The following AGAP1 variants were observed in gnomAD, a reference collection of about 807,000 sequenced individuals.
AGAP1 encodes the protein arf-GAP with GTPase, ANK repeat and PH domain-containing protein 1.
In AGAP1, 29 loss-of-function variants were observed where a neutral mutation model predicts 105.3. The observed-to-expected ratio is 0.28, with a 90% CI of 0.21 to 0.38. The LOEUF is 0.38. Among genes scored for constraint, AGAP1 ranks in the 10% least tolerant of loss-of-function variants. The pLI, the probability that AGAP1 is intolerant of heterozygous loss-of-function variation, is 1.00. For missense variants in AGAP1, 998 were observed against 1,165.1 expected (o/e 0.86, Z 2.09); for synonymous variants, 509 against 485.9 (o/e 1.05, Z -0.63).
At position 235,691,446 on chromosome 2, in the gene AGAP1, C is replaced by T. The variant is rs142810949; in HGVS notation, c.164-17733C>T. ...GTAGATTTAACACATCTTTAAAATC[C>T]GCTGAAGACTGTAAAGATACTCATT... On this transcript the variant is annotated intron_variant, in intron 1 of 17. Transcript: ENST00000304032. This position sits in a 1 kb window ranked among gnomAD's most constrained non-coding sequence, Gnocchi z 4.4. 9.8e-5 allele frequency among the ~76,000 whole-genome samples: 15 copies of T among 152,336 alleles called. No homozygotes were observed. The East Asian group carries it at 1.4e-3, about 14-fold the overall frequency.
In AGAP1 at chr2:235,743,951, T is replaced by C. The variant is rs77841326; in HGVS notation, c.397-747T>C. 2.3e-3 allele frequency among the ~76,000 whole-genome samples: 350 copies of C among 152,316 alleles called. 3 individuals carry two copies. The highest frequency in any genetic ancestry group is 8.0e-3 in the African/African-American group (334 of 41,562). ...TTCCAAGATGGCTGTTGGTACTAAA[T>C]GAGGTACTAGTATATGCCTGACAGT... On this transcript the variant is annotated intron_variant, in intron 4 of 17. Transcript: ENST00000304032.
In AGAP1 at chr2:236,105,391, C is replaced by A. The variant is rs2059458358; in HGVS notation, c.2115-14801C>A. On this transcript the variant is annotated intron_variant, in intron 16 of 17. Coordinates refer to ENST00000304032, the MANE Select transcript of AGAP1 (RefSeq NM_001037131.3). The surrounding 1 kb of genome is among the most constrained non-coding windows in gnomAD (Gnocchi z 4.2). ...GAGCTGTGCCTGCTGTAACAAAATACACAACAGAAAGTATTCCTCACACTT... is the reference window on the plus strand; with the variant it reads ...GAGCTGTGCCTGCTGTAACAAAATAAACAACAGAAAGTATTCCTCACACTT... Among the ~76,000 whole-genome samples, 1 of 152,030 alleles carries A rather than the reference C, an allele frequency of 6.6e-6. No homozygotes were observed. The highest frequency in any genetic ancestry group is 1.5e-5 in the Non-Finnish European group (1 of 68,008).
intron 9 of AGAP1, among the ~76,000 whole-genome samples, chr2:235,840,910 A>G (rs898208229): frequency 6.6e-6 from 1 of 152,084 alleles, no homozygotes; most frequent in Non-Finnish European, 1.5e-5. Flanking sequence ...TGGTGGTCTT[A>G]GGAGGGACAA....
intron 9 of AGAP1, among the ~76,000 whole-genome samples, chr2:235,862,842 C>T (rs1011660184): frequency 1.3e-5 from 2 of 152,168 alleles, no homozygotes; most frequent in African/African-American, 2.4e-5. Context: ...CAGGGTGGTG[C>T]TGTCCACTCA....
intron 13 of AGAP1, among the ~76,000 whole-genome samples, chr2:236,032,121 A>T (rs2057242728): frequency 6.6e-6 from 1 of 152,140 alleles, no homozygotes; most frequent in African/African-American, 2.4e-5. Flanking sequence ...GACCTTGGGG[A>T]TGGGGATAAA....
chr2:235,688,662 A>G lies in AGAP1; in HGVS notation c.164-20517A>G, dbSNP rs751973420. Among the ~76,000 whole-genome samples the G allele has an allele frequency of 1.4e-4, 21 of 152,194 alleles. 1 individual carries two copies. The highest frequency in any genetic ancestry group is 9.2e-4 in the Admixed American group (14 of 15,276). The stretch of plus-strand genomic sequence containing the variant: ...TTTTCCTTTTGTTCAGATTTTCGTC[A>G]TGACCACGTGTGTACCCGTTAAGAC... On this transcript the variant is annotated intron_variant, in intron 1 of 17. Transcript: ENST00000304032.
At chr2:235,533,764 T>G (rs1004570663) in intron 1 of AGAP1, among the ~76,000 whole-genome samples, 17 of 152,270 alleles carry the variant, frequency 1.1e-4, no homozygotes, top group African/African-American at 4.1e-4. Context: ...TCCTGTCGCC[T>G]GGTTTCACCC....
At position 235,983,853 on chromosome 2, in the gene AGAP1, G is replaced by A. The variant is rs956470478; in HGVS notation, c.1645+15230G>A. On this transcript the variant is annotated intron_variant, in intron 13 of 17. Transcript: ENST00000304032. This position sits in a 1 kb window ranked among gnomAD's most constrained non-coding sequence, Gnocchi z 4.5. The stretch of plus-strand genomic sequence containing the variant: ...TCACACAATGACAAAATCGCCTAAC[G>A]ACACATTTCTCAGAATGCATCACTT... Among the ~76,000 whole-genome samples, 5 of 152,182 alleles carry A rather than the reference G, an allele frequency of 3.3e-5. No individual in the cohort carries two copies. The highest frequency in any genetic ancestry group is 7.2e-5 in the African/African-American group (3 of 41,442).
intron 9 of AGAP1, among the ~76,000 whole-genome samples, chr2:235,860,921 C>G (rs998713739): frequency 6.6e-6 from 1 of 152,158 alleles, no homozygotes; most frequent in Non-Finnish European, 1.5e-5. Flanking sequence ...AGTACCAAAT[C>G]TCTCCCTGTG....
At chr2:235,916,122 C>T (rs1227571707) in intron 11 of AGAP1, among the ~76,000 whole-genome samples, 1 of 152,032 alleles carries the variant, frequency 6.6e-6, no homozygotes, top group African/African-American at 2.4e-5. Flanking sequence ...TATACAACAT[C>T]TCTGTCTTAA....
chr2:236,077,126 G>GAA (rs200778447), intron 16 of AGAP1, among the ~76,000 whole-genome samples: 2 of 117,514 alleles, frequency 1.7e-5, no homozygotes, highest in Non-Finnish European at 3.3e-5. Flanking sequence ...AAAAAGAGTA[G>GAA]AAAAAAAAAA....
intron 6 of AGAP1, among the ~76,000 whole-genome samples, chr2:235,773,651 T>C (rs1955632982): frequency 6.6e-6 from 1 of 152,282 alleles, no homozygotes; most frequent in South Asian, 2.1e-4. Flanking sequence ...CACTATAGAT[T>C]CTGATCCTTT....
At chr2:235,686,055 G>C (rs558552300) in intron 1 of AGAP1, among the ~76,000 whole-genome samples, 1 of 152,304 alleles carries the variant, frequency 6.6e-6, no homozygotes, top group African/African-American at 2.4e-5. Context: ...AGAGTGGGAG[G>C]CAGGTTTGTC....
At position 235,941,385 on chromosome 2, in the gene AGAP1, C is replaced by A. The variant is rs1346843595; in HGVS notation, c.1483+10462C>A. Reference sequence around the variant, plus strand: ...AGTATTTATTGACCACTTACTGTGGCCACCCACTGCCCTGGCCCTGGGAGT... The same window carrying A: ...AGTATTTATTGACCACTTACTGTGGACACCCACTGCCCTGGCCCTGGGAGT... On this transcript the variant is annotated intron_variant, in intron 12 of 17. Coordinates refer to ENST00000304032, the MANE Select transcript of AGAP1 (RefSeq NM_001037131.3). 2.6e-5 allele frequency among the ~76,000 whole-genome samples: 4 copies of A among 152,176 alleles called. No individual in the cohort carries two copies. The East Asian group carries it at 7.7e-4, about 29-fold the overall frequency.
At chr2:236,086,789 T>C (rs1054735180) in intron 16 of AGAP1, among the ~76,000 whole-genome samples, 1 of 152,148 alleles carries the variant, frequency 6.6e-6, no homozygotes, top group Non-Finnish European at 1.5e-5. Flanking sequence ...CCAGCACTTA[T>C]TCATCGGCCT....
At chr2:235,580,524 T>G (rs1944896139) in intron 1 of AGAP1, among the ~76,000 whole-genome samples, 1 of 151,770 alleles carries the variant, frequency 6.6e-6, no homozygotes. Context: ...AGAGGTAGAG[T>G]CGAGTGTATC....
At position 235,618,678 on chromosome 2, in the gene AGAP1, G is replaced by A. The variant is rs542149027; in HGVS notation, c.164-90501G>A. Among the ~76,000 whole-genome samples, 3 of 152,264 alleles carry A rather than the reference G, an allele frequency of 2.0e-5. No individual in the cohort carries two copies. In the East Asian group the frequency reaches 5.8e-4, roughly 29 times the overall value. On this transcript the variant is annotated intron_variant, in intron 1 of 17. Transcript: ENST00000304032. The stretch of plus-strand genomic sequence containing the variant: ...AAGACTTAAAATTTTAATAGTGGCT[G>A]TTAATAATTATTATTACTGAGCTCT...
At position 235,964,628 on chromosome 2, in the gene AGAP1, G is replaced by A. The variant is rs2054315773; in HGVS notation, c.1484-3834G>A. 6.6e-6 allele frequency among the ~76,000 whole-genome samples: 1 copy of A among 152,134 alleles called. No homozygotes were observed. The highest frequency in any genetic ancestry group is 2.1e-4 in the South Asian group (1 of 4,818). On this transcript the variant is annotated intron_variant, in intron 12 of 17. Transcript: ENST00000304032. This position sits in a 1 kb window ranked among gnomAD's most constrained non-coding sequence, Gnocchi z 4.6. ...ACCCCCTGAACGTTATGAGGCTTCT[G>A]AACACTGTTAAATCATAAATAAAAA...
intron 16 of AGAP1, among the ~76,000 whole-genome samples, chr2:236,116,367 TGAGA>T (rs749503501): frequency 2.0e-5 from 3 of 150,534 alleles, no homozygotes; most frequent in Non-Finnish European, 3.0e-5. Context: ...CTTTTTTTTT[TGAGA>T]GAGAGTTTTG....
Sources: gnomAD v4.1 joint callset for allele counts (sites outside exome capture counted in the v4.1 genomes callset) on GRCh38, gnomAD v4.1.1 for gene constraint, Gnocchi (gnomAD v3.1) non-coding constraint, MANE v1.5 for transcripts, NCBI Gene and HGNC (gene_info 2026-07-23, HGNC 2026-07-21) for gene names.